The following SERPING1 variants were observed in gnomAD, a reference collection of about 807,000 sequenced individuals.
SERPING1 encodes serpin family G member 1.
Under a neutral mutation model 34.1 loss-of-function variants are expected in SERPING1, and 5 were observed. The observed-to-expected ratio is 0.15, with a 90% CI of 0.08 to 0.31. The LOEUF (loss-of-function observed/expected upper bound fraction) is 0.31. Ranked by LOEUF, SERPING1 falls within the 10% of genes least tolerant of loss-of-function variation. The pLI is 1.00. For missense variants in SERPING1, 505 were observed against 609.5 expected (o/e 0.83, Z 1.81); for synonymous variants, 225 against 242.4 (o/e 0.93, Z 0.67).
chr11:57,610,381 A>G (rs1224726735), intron 6 of SERPING1, among the ~76,000 whole-genome samples: 1 of 152,212 alleles, frequency 6.6e-6, no homozygotes, highest in Non-Finnish European at 1.5e-5. Flanking sequence ...TCAGAGATTC[A>G]AGGTTCATAC....
intron 3 of SERPING1, 117 bp from the exon 4 acceptor site, chr11:57,601,918 G>A (rs1590823757): frequency 1.2e-6 from 1 of 804,620 alleles, no homozygotes; most frequent in Admixed American, 2.0e-5. Flanking sequence ...CAGATGATCT[G>A]TGATCCCCTC....
intron 2 of SERPING1, among the ~76,000 whole-genome samples, chr11:57,598,670 G>A (rs2135306540): frequency 6.6e-6 from 1 of 152,306 alleles, no homozygotes; most frequent in Admixed American, 6.5e-5. Flanking sequence ...AGGGCAAGGA[G>A]ATGGGAAGCA....
At position 57,602,125 on chromosome 11, in the gene SERPING1, C is replaced by G. The variant is rs61754492; in HGVS notation, c.641C>G (p.Thr214Arg). 6.4e-5 allele frequency: 104 copies of G among 1,614,064 alleles called. No homozygotes were observed. The highest frequency in any genetic ancestry group is 8.4e-5 in the Non-Finnish European group (99 of 1,180,024). Residue 214 changes from threonine to arginine, a missense_variant, in exon 4 of 8, where the codon ACG (threonine) becomes AGG (arginine). By Grantham distance (71) the Thr-to-Arg change is moderately conservative (BLOSUM62 -1). Transcript: ENST00000278407. ...TCVHQALKGF[T>R]TKGVTSVSQI... ...GTCCACCAGGCCCTGAAGGGCTTCA[C>G]GACCAAAGGTGTCACCTCAGTCTCT...
intron 4 of SERPING1, 143 bp from the exon 5 acceptor site, chr11:57,605,867 G>A: frequency 1.2e-6 from 1 of 810,516 alleles, no homozygotes; most frequent in South Asian, 1.4e-5. Context: ...TCTGTAAGAG[G>A]AGTGGGCTGG....
In SERPING1 at chr11:57,611,275, T is replaced by C. The variant is rs188364438; in HGVS notation, c.1030-442T>C. On this transcript the variant is annotated intron_variant, in intron 6 of 7. Transcript: ENST00000278407. ...AAGTGGAAAGGTAGGCTGTGAACAA[T>C]CTTGAATGCCATACTAAGATTTGTA... The C allele has an allele frequency of 6.7e-4, 151 of 225,154 alleles. 2 individuals carry two copies. Among genetic ancestry groups the C allele is most frequent in the African/African-American group, 3.1e-3 (135 of 44,214 alleles). 13.9% of individuals were successfully genotyped at this position (225,154 alleles called of 1,614,324 possible). A position where few individuals can be genotyped will look rare whatever the true frequency, so the allele number is the denominator to read the frequency against.
chr11:57,601,962 C>T, intron 3 of SERPING1, 73 bp from the exon 4 acceptor site: 1 of 1,586,186 alleles, frequency 6.3e-7, no homozygotes, highest in Non-Finnish European at 8.6e-7. Context: ...CCAGCCTGGT[C>T]CCCAACCCTC....
chr11:57,600,374 C>T lies in SERPING1; in HGVS notation c.547C>T (p.Leu183Phe). 6.2e-7 allele frequency: 1 copy of T among 1,612,280 alleles called. No individual in the cohort carries two copies. The highest frequency in any genetic ancestry group is 8.5e-7 in the Non-Finnish European group (1 of 1,180,016). ...SIASLLTQVL[L>F]GAGENTKTNL... ...CGCCAGCCTCCTTACCCAGGTCCTG[C>T]TCGGTAAGACCCTGCTTGAATTCTC... The change falls in exon 3 of 8, where the codon CTC becomes TTC. Residue 183 changes from leucine to phenylalanine, a missense_variant. Transcript: ENST00000278407.
At chr11:57,608,149 G>A (rs1017142735) in intron 6 of SERPING1, among the ~76,000 whole-genome samples, 3 of 152,200 alleles carry the variant, frequency 2.0e-5, no homozygotes, top group Non-Finnish European at 2.9e-5. Flanking sequence ...TTCAAGATAC[G>A]TTGGGGGAGG....
chr11:57,602,605 A>G (rs1349552416), intron 4 of SERPING1, among the ~76,000 whole-genome samples: 1 of 151,702 alleles, frequency 6.6e-6, no homozygotes, highest in Non-Finnish European at 1.5e-5. Flanking sequence ...AAATACAAAA[A>G]TTAGCTGGGC....
intron 3 of SERPING1, among the ~76,000 whole-genome samples, chr11:57,601,586 A>G (rs1945348236): frequency 6.6e-6 from 1 of 152,106 alleles, no homozygotes; most frequent in Non-Finnish European, 1.5e-5. Flanking sequence ...TAAAAAGGCT[A>G]CAGAATCTTT....
intron 6 of SERPING1, among the ~76,000 whole-genome samples, chr11:57,608,423 A>C (rs2042529): frequency 6.6e-5 from 10 of 152,344 alleles, no homozygotes; most frequent in African/African-American, 2.4e-4. Flanking sequence ...CATTCTGGAC[A>C]TATAATATCA....
chr11:57,605,576 C>T (rs1945399586), intron 4 of SERPING1: 1 of 206,716 alleles, frequency 4.8e-6, no homozygotes, highest in African/African-American at 2.6e-5. Flanking sequence ...AATTATCTTT[C>T]AAGTGCTTTT....
chr11:57,604,056 T>C (rs1200786551), intron 4 of SERPING1, among the ~76,000 whole-genome samples: 1 of 148,310 alleles, frequency 6.7e-6, no homozygotes, highest in Non-Finnish European at 1.5e-5. Context: ...AACTTCAACC[T>C]GGGAGACAGA....
intron 4 of SERPING1, among the ~76,000 whole-genome samples, chr11:57,602,798 A>C (rs1945366306): frequency 6.6e-6 from 1 of 151,518 alleles, no homozygotes; most frequent in Non-Finnish European, 1.5e-5. Flanking sequence ...AAAAAAACAA[A>C]GAAGGAGAAA....
intron 3 of SERPING1, among the ~76,000 whole-genome samples, chr11:57,601,478 G>C (rs1945347061): frequency 6.6e-6 from 1 of 151,772 alleles, no homozygotes; most frequent in Admixed American, 6.6e-5. Context: ...CATCTTGAGG[G>C]ATTACTGTCA....
intron 6 of SERPING1, chr11:57,611,454 T>C: frequency 1.8e-6 from 1 of 540,594 alleles, no homozygotes. Flanking sequence ...TTGCCCATAT[T>C]ACATAGCTCG....
rs918513135 is a variant in SERPING1, at chr11:57,609,233, G to A, written c.1030-2484G>A. Among the ~76,000 whole-genome samples the A allele has an allele frequency of 4.0e-5, 6 of 151,664 alleles. No homozygotes were observed. The South Asian group carries it at 1.0e-3, about 26-fold the overall frequency. On this transcript the variant is annotated intron_variant, in intron 6 of 7. Coordinates refer to ENST00000278407, the MANE Select transcript of SERPING1 (RefSeq NM_000062.3). ...GCAGAGGTTACAGTGAGCCAAAATC[G>A]CGCCACTGCACTCCAACCTGGGCAA...
chr11:57,598,380 G>C, intron 2 of SERPING1, 59 bp downstream of exon 2: 1 of 1,504,800 alleles, frequency 6.6e-7, no homozygotes, highest in East Asian at 2.4e-5. Flanking sequence ...GGATGGTGCG[G>C]GGTGCGGGCG....
rs1218739677 is a variant in SERPING1, at chr11:57,598,232, G to T, written c.-22-17G>T. On this transcript the variant is annotated splice_polypyrimidine_tract_variant and intron_variant, in intron 1 of 7. Transcript: ENST00000278407. Reference sequence around the variant, plus strand: ...TCCCAGGGTGGGAGCTGGCTCCGAGGCTGGCTGGCTCCGCAGGTCCGCTGA... The same window carrying T: ...TCCCAGGGTGGGAGCTGGCTCCGAGTCTGGCTGGCTCCGCAGGTCCGCTGA... 4.5e-6 allele frequency: 7 copies of T among 1,538,640 alleles called. No individual in the cohort carries two copies. The highest frequency in any genetic ancestry group is 2.0e-5 in the Admixed American group (1 of 50,674).
Sources: gnomAD v4.1 joint callset for allele counts (sites outside exome capture counted in the v4.1 genomes callset) on GRCh38, gnomAD v4.1.1 for gene constraint, MANE v1.5 for transcripts, NCBI Gene and HGNC (gene_info 2026-07-23, HGNC 2026-07-21) for gene names.